The following KIF26A variants were observed in gnomAD, a reference collection of about 807,000 sequenced individuals.
The protein encoded by KIF26A is kinesin-like protein KIF26A.
KIF26A carries 74 observed loss-of-function variants against 126.0 expected under a neutral mutation model. The ratio of observed to expected loss-of-function variants is 0.59; its 90% confidence interval spans 0.49 to 0.71. The LOEUF is 0.71. Ranked by LOEUF, KIF26A falls within the 30% of genes least tolerant of loss-of-function variation. The pLI is 0.00. For missense variants in KIF26A, 2,984 were observed against 2,763.3 expected (o/e 1.08, Z -1.79); for synonymous variants, 1,445 against 1,232.7 (o/e 1.17, Z -3.61).
rs2037696254 is a variant in KIF26A, at chr14:104,148,140, A to G, written c.289-3875A>G. Among the ~76,000 whole-genome samples, 1 of 152,136 alleles carries G rather than the reference A, an allele frequency of 6.6e-6. No homozygotes were observed. Among genetic ancestry groups the G allele is most frequent in the Non-Finnish European group, 1.5e-5 (1 of 68,020 alleles). On this transcript the variant is annotated intron_variant, in intron 2 of 14. Transcript: ENST00000423312. This position sits in a 1 kb window ranked among gnomAD's most constrained non-coding sequence, Gnocchi z 4.3. ...GACGGGGAGCGGGGAGTCCCCGGTA[A>G]AGTCCCCCGGGCCTCACACGCAGGA... is the stretch of plus-strand genomic sequence containing the variant.
chr14:104,164,364 G>T (rs367920738), intron 4 of KIF26A, among the ~76,000 whole-genome samples: 1 of 152,164 alleles, frequency 6.6e-6, no homozygotes, highest in African/African-American at 2.4e-5. Flanking sequence ...CCTCTGGCCC[G>T]CGTGGGAGCG....
intron 2 of KIF26A, among the ~76,000 whole-genome samples, chr14:104,141,011 T>C (rs1229442760): frequency 3.3e-5 from 5 of 152,168 alleles, no homozygotes; most frequent in Admixed American, 3.3e-4. Flanking sequence ...CCACTGTCTC[T>C]CCACAGGGCA....
intron 3 of KIF26A, among the ~76,000 whole-genome samples, chr14:104,156,995 C>T (rs147246822): frequency 3.5e-4 from 54 of 152,186 alleles, no homozygotes; most frequent in South Asian, 6.2e-4. Flanking sequence ...GGGAAGGGGC[C>T]GGGGCGAGGG....
chr14:104,171,735 C>A lies in KIF26A; in HGVS notation c.1126C>A (p.Leu376Met). ...ACCTCTGCCCCAGGTGAAGGTTATGCTGCGGATCTGGCCCGCACAGGGGGC... is the reference window on the plus strand; with the variant it reads ...ACCTCTGCCCCAGGTGAAGGTTATGATGCGGATCTGGCCCGCACAGGGGGC... ...PGSIGKVKVM[L>M]RIWPAQGAQR... Residue 376 changes from leucine (L) to methionine (M), a missense_variant, in exon 6 of 15, where the codon CTG becomes ATG. Coordinates refer to ENST00000423312, the MANE Select transcript of KIF26A (RefSeq NM_015656.2). 1 of 1,574,946 alleles carries A rather than the reference C, an allele frequency of 6.3e-7. No individual in the cohort carries two copies. The highest frequency in any genetic ancestry group is 8.6e-7 in the Non-Finnish European group (1 of 1,161,738).
Position 104,151,226 on chromosome 14 carries a change from T to C in KIF26A, c.289-789T>C, listed in dbSNP as rs908742448. On this transcript the variant is annotated intron_variant, in intron 2 of 14. Coordinates refer to ENST00000423312, the MANE Select transcript of KIF26A (RefSeq NM_015656.2). This position sits in a 1 kb window ranked among gnomAD's most constrained non-coding sequence, Gnocchi z 4.9. ...TGACTCTGAGGCTGGGTGAGGCGCA[T>C]CCTCCTCTGGGTTCTTCTGGCTCTT... Among the ~76,000 whole-genome samples, 1 of 152,172 alleles carries C rather than the reference T, an allele frequency of 6.6e-6. No individual in the cohort carries two copies. The highest frequency in any genetic ancestry group is 1.5e-5 in the Non-Finnish European group (1 of 68,028).
At position 104,152,854 on chromosome 14, in the gene KIF26A, C is replaced by T. The variant is rs980247096; in HGVS notation, c.735+393C>T. On this transcript the variant is annotated intron_variant, in intron 3 of 14. Transcript: ENST00000423312. The surrounding 1 kb of genome is among the most constrained non-coding windows in gnomAD (Gnocchi z 5.9). ...GCAGAGCGAGGGCCTGTGTGGAGGC[C>T]TGGGGGTGTGAGGCGTCCATGGACG... Among the ~76,000 whole-genome samples, 1 of 152,032 alleles carries T rather than the reference C, an allele frequency of 6.6e-6. No individual in the cohort carries two copies. The highest frequency in any genetic ancestry group is 2.4e-5 in the African/African-American group (1 of 41,394).
At chr14:104,149,026 C>T (rs1249030190) in intron 2 of KIF26A, among the ~76,000 whole-genome samples, 1 of 152,224 alleles carries the variant, frequency 6.6e-6, no homozygotes, top group Non-Finnish European at 1.5e-5. Context: ...TGGTTCTGTT[C>T]TACCCGAGCA....
chr14:104,177,906 C>T lies in KIF26A; in HGVS notation c.5110+8C>T, dbSNP rs775048533. The T allele has an allele frequency of 2.0e-6, 3 of 1,509,230 alleles. No individual in the cohort carries two copies. The highest frequency in any genetic ancestry group is 2.6e-6 in the Non-Finnish European group (3 of 1,137,330). 93.5% of individuals were successfully genotyped at this position (1,509,230 alleles called of 1,614,324 possible). A position where few individuals can be genotyped will look rare whatever the true frequency, so the allele number is the denominator to read the frequency against. On this transcript the variant is annotated splice_region_variant and intron_variant, in intron 12 of 14. Transcript: ENST00000423312. ...CCAAGAAGAGGGCCACAGGTGGGTGCAGAGGTGCACAGCCCTCTACAGTTT... is the reference window on the plus strand; with the variant it reads ...CCAAGAAGAGGGCCACAGGTGGGTGTAGAGGTGCACAGCCCTCTACAGTTT...
intron 5 of KIF26A, 80 bp downstream of exon 5, chr14:104,167,128 G>C (rs2037914403): frequency 7.3e-7 from 1 of 1,365,294 alleles, no homozygotes; most frequent in South Asian, 1.6e-5. Flanking sequence ...TGAGGGAGTG[G>C]AGGGGCTGCC....
At chr14:104,168,516 C>T (rs77165353) in intron 5 of KIF26A, among the ~76,000 whole-genome samples, 6,531 of 152,202 alleles carry the variant, frequency 0.043, 180 homozygotes, top group Non-Finnish European at 0.063. Flanking sequence ...CTTCATAGGC[C>T]ATGGCGGGTC....
At position 104,151,612 on chromosome 14, in the gene KIF26A, G is replaced by A. The variant is rs971756921; in HGVS notation, c.289-403G>A. 1.3e-5 allele frequency among the ~76,000 whole-genome samples: 2 copies of A among 152,234 alleles called. No homozygotes were observed. Among genetic ancestry groups the A allele is most frequent in the Admixed American group, 6.5e-5 (1 of 15,292 alleles). ...CCCTGGCTCTGCCTTGAGTGAGTGT[G>A]GGTGAGGGAGGCCCTCGTGGCTCTG... On this transcript the variant is annotated intron_variant, in intron 2 of 14. Transcript: ENST00000423312. The surrounding 1 kb of genome is among the most constrained non-coding windows in gnomAD (Gnocchi z 4.9).
In KIF26A at chr14:104,179,691, C is replaced by A. The variant is rs368685284; in HGVS notation, c.5550C>A (p.Cys1850Ter). The A allele has an allele frequency of 6.5e-7, 1 of 1,549,764 alleles. No homozygotes were observed. The highest frequency in any genetic ancestry group is 1.7e-4 in the Middle Eastern group (1 of 5,918). ...LERATAALEQ[C>*]VNLCKAHVMM... ...GAGCCACGGCGGCCCTGGAGCAGTGCGTGAACCTGTGCAAGGCGCACGTCA... is the reference window on the plus strand; with the variant it reads ...GAGCCACGGCGGCCCTGGAGCAGTGAGTGAACCTGTGCAAGGCGCACGTCA... The change falls in exon 15 of 15, where the codon TGC (cysteine) becomes TGA (stop). Residue 1850 changes from cysteine (C) to a stop codon, truncating the protein, a stop_gained. Transcript: ENST00000423312. LOFTEE classifies it high-confidence loss of function.
At chr14:104,147,486 A>T (rs1171876088) in intron 2 of KIF26A, among the ~76,000 whole-genome samples, 1 of 152,126 alleles carries the variant, frequency 6.6e-6, no homozygotes, top group East Asian at 1.9e-4. Flanking sequence ...TGGTCCCTGG[A>T]GTCCTGGCTG....
Position 104,175,186 on chromosome 14 carries a change from C to G in KIF26A, c.2398C>G (p.Leu800Val), listed in dbSNP as rs780018088. 3.1e-6 allele frequency: 5 copies of G among 1,608,874 alleles called. No homozygotes were observed. The highest frequency in any genetic ancestry group is 2.2e-5 in the South Asian group (2 of 90,226). Reference sequence around the variant, plus strand: ...CTACGTGGGGCCCGGTGGGGCGGCGCTGTCAGACCGGGAGCTCACCGACAA... The same window carrying G: ...CTACGTGGGGCCCGGTGGGGCGGCGGTGTCAGACCGGGAGCTCACCGACAA... ...VIYVGPGGAA[L>V]SDRELTDNEG... Residue 800 changes from leucine to valine, a missense_variant, in exon 12 of 15, where the codon CTG (leucine) becomes GTG (valine). Physicochemically the swap from Leu to Val is conservative, Grantham distance 32. Coordinates refer to ENST00000423312, the MANE Select transcript of KIF26A (RefSeq NM_015656.2).
chr14:104,167,702 C>T (rs2037920133), intron 5 of KIF26A, among the ~76,000 whole-genome samples: 1 of 152,156 alleles, frequency 6.6e-6, no homozygotes, highest in South Asian at 2.1e-4. Flanking sequence ...GTGCCTGGTT[C>T]GTGGGCCCAT....
In KIF26A at chr14:104,175,881, G is replaced by A. The variant is rs772926746; in HGVS notation, c.3093G>A (p.Glu1031=). ...QRPVELNGED[E]LVFTVVEELS... is the part of the protein sequence containing the mutation. ...CAGTGGAGCTCAACGGCGAGGACGA[G>A]CTGGTGTTCACGGTGGTGGAGGAGC... Residue 1031 remains glutamate, a synonymous_variant, in exon 12 of 15, where the codon GAG becomes GAA. Coordinates refer to ENST00000423312, the MANE Select transcript of KIF26A (RefSeq NM_015656.2). The A allele has an allele frequency of 9.1e-5, 141 of 1,541,372 alleles. No individual in the cohort carries two copies. Among genetic ancestry groups the A allele is most frequent in the Non-Finnish European group, 1.1e-4 (132 of 1,148,540 alleles).
At chr14:104,168,433 C>T (rs545225139) in intron 5 of KIF26A, among the ~76,000 whole-genome samples, 2 of 152,282 alleles carry the variant, frequency 1.3e-5, no homozygotes, top group South Asian at 2.1e-4. Flanking sequence ...AGTGGTGGGT[C>T]CCTAGGGAGG....
chr14:104,139,194 G>T lies in KIF26A; in HGVS notation c.194G>T (p.Gly65Val). ...GGCCCAGAGCAGGGCCACTCGGCCGGCGGAGGCGGCTGGTGCCGCCACTGC... is the reference window on the plus strand; with the variant it reads ...GGCCCAGAGCAGGGCCACTCGGCCGTCGGAGGCGGCTGGTGCCGCCACTGC... ...GAGPEQGHSA[G>V]GGGWCRHCHT... is the part of the protein sequence containing the mutation. Residue 65 changes from glycine to valine, a missense_variant, in exon 2 of 15, where the codon GGC becomes GTC. Coordinates refer to ENST00000423312, the MANE Select transcript of KIF26A (RefSeq NM_015656.2). 1 of 1,548,000 alleles carries T rather than the reference G, an allele frequency of 6.5e-7. No individual in the cohort carries two copies. Among genetic ancestry groups the T allele is most frequent in the Admixed American group, 2.0e-5 (1 of 50,876 alleles).
At chr14:104,142,847 G>A (rs1003135744) in intron 2 of KIF26A, among the ~76,000 whole-genome samples, 2 of 152,198 alleles carry the variant, frequency 1.3e-5, no homozygotes, top group African/African-American at 2.4e-5. Context: ...TGAATGACCA[G>A]GCTTTTCCTC....
Sources: allele counts gnomAD v4.1 joint callset (sites outside exome capture counted in the v4.1 genomes callset), GRCh38; gene constraint gnomAD v4.1.1; non-coding constraint Gnocchi (gnomAD v3.1); transcripts MANE v1.5; gene names NCBI Gene and HGNC (gene_info 2026-07-23, HGNC 2026-07-21).